The following DOCK1 variants were observed in gnomAD, a reference collection of about 807,000 sequenced individuals.
DOCK1 encodes the protein dedicator of cytokinesis protein 1.
In DOCK1, 138 loss-of-function variants were observed where a neutral mutation model predicts 262.7. The ratio of observed to expected loss-of-function variants is 0.53; its 90% CI spans 0.46 to 0.61. The LOEUF (loss-of-function observed/expected upper bound fraction) is 0.61, where lower values mean the gene tolerates loss of function less well. Among genes scored for constraint, DOCK1 ranks in the 20% least tolerant of loss-of-function variants. The probability of loss-of-function intolerance (pLI) is 0.00; values close to 1 mark genes in which losing one functional copy is unlikely to be tolerated. For synonymous variants in DOCK1, 866 were observed against 867.4 expected (o/e 1.00, Z 0.03); for missense variants, 1,908 against 2,370.7 (o/e 0.80, Z 4.05).
intron 6 of DOCK1, among the ~76,000 whole-genome samples, chr10:126,991,464 AC>A (rs1316077589): frequency 2.7e-5 from 4 of 150,224 alleles, no homozygotes; most frequent in Non-Finnish European, 5.9e-5. Flanking sequence ...CCCAAGACCT[AC>A]CCCTTAAGGC....
intron 43 of DOCK1, among the ~76,000 whole-genome samples, chr10:127,411,419 A>G (rs1485072735): frequency 2.0e-5 from 3 of 152,124 alleles, no homozygotes; most frequent in Non-Finnish European, 4.4e-5. Context: ...CCCCAGCACT[A>G]CTAGCAATAC....
intron 27 of DOCK1, among the ~76,000 whole-genome samples, chr10:127,212,006 A>G (rs915072730): frequency 6.6e-6 from 1 of 152,250 alleles, no homozygotes; most frequent in Non-Finnish European, 1.5e-5. Flanking sequence ...ATTTGAGAAT[A>G]CAATGTGTTT....
rs141503540 is a variant in DOCK1, at chr10:127,029,163, AGTCTCC to A, written c.1625-2484_1625-2479del. 8.0e-3 allele frequency among the ~76,000 whole-genome samples: 1,211 copies of A among 152,320 alleles called. 21 individuals are homozygous for A. Among genetic ancestry groups the A allele is most frequent in the African/African-American group, 0.028 (1,153 of 41,574 alleles). On this transcript the variant is annotated intron_variant, in intron 16 of 51. Coordinates refer to ENST00000623213, the MANE Select transcript of DOCK1 (RefSeq NM_001290223.2). ...CAGGACACATCTGCATAATAAATGA[AGTCTCC>A]GTGGCCACAGCTTGTGGGATTTTGG...
At chr10:127,317,996 AT>A (rs1410344322) in intron 29 of DOCK1, among the ~76,000 whole-genome samples, 3 of 152,192 alleles carry the variant, frequency 2.0e-5, no homozygotes, top group Admixed American at 6.5e-5. Flanking sequence ...GGCATCTTTA[AT>A]GCAGCTGGCA....
chr10:127,334,775 T>C (rs1298646670), intron 29 of DOCK1, among the ~76,000 whole-genome samples: 3 of 152,200 alleles, frequency 2.0e-5, no homozygotes, highest in African/African-American at 7.2e-5. Context: ...GCATTTGTTA[T>C]TGTTTTTTAG....
intron 1 of DOCK1, among the ~76,000 whole-genome samples, chr10:126,913,652 C>T (rs1218541161): frequency 1.3e-5 from 2 of 152,192 alleles, no homozygotes; most frequent in African/African-American, 4.8e-5. Flanking sequence ...TATCCACATG[C>T]CCACATGCAC....
At chr10:127,388,779 A>T (rs1462472612) in intron 38 of DOCK1, among the ~76,000 whole-genome samples, 1 of 152,186 alleles carries the variant, frequency 6.6e-6, no homozygotes, top group Non-Finnish European at 1.5e-5. Context: ...AGATCACATG[A>T]TCACCCCAGA....
chr10:127,195,837 T>A (rs900405051), intron 27 of DOCK1, among the ~76,000 whole-genome samples: 1 of 152,066 alleles, frequency 6.6e-6, no homozygotes, highest in Admixed American at 6.5e-5. Context: ...TGCACCGGGG[T>A]GTCCCGGCCC....
chr10:127,256,699 A>G (rs1216615845), intron 28 of DOCK1, among the ~76,000 whole-genome samples: 1 of 152,060 alleles, frequency 6.6e-6, no homozygotes, highest in East Asian at 1.9e-4. Context: ...TGTGTACGGA[A>G]CCCTGCTTCT....
At chr10:127,266,649 C>T (rs182594872) in intron 29 of DOCK1, among the ~76,000 whole-genome samples, 27 of 152,274 alleles carry the variant, frequency 1.8e-4, no homozygotes, top group Admixed American at 1.2e-3. Context: ...GTGGCATTAA[C>T]GCCAGCCAGG....
chr10:127,224,208 A>C (rs140584967), intron 27 of DOCK1, among the ~76,000 whole-genome samples: 1 of 152,184 alleles, frequency 6.6e-6, no homozygotes, highest in Admixed American at 6.5e-5. Flanking sequence ...TTCTGATTTA[A>C]TTATATCCAG....
intron 29 of DOCK1, among the ~76,000 whole-genome samples, chr10:127,264,128 CGT>C: frequency 6.6e-6 from 1 of 152,272 alleles, no homozygotes; most frequent in Non-Finnish European, 1.5e-5. Context: ...GACTACATAG[CGT>C]GTAACAAAAC....
chr10:126,981,433 CCTGT>C (rs1028091313), intron 3 of DOCK1, among the ~76,000 whole-genome samples: 2 of 152,202 alleles, frequency 1.3e-5, no homozygotes, highest in African/African-American at 4.8e-5. Context: ...CGAAATTCGG[CCTGT>C]CTTTCTGTAT....
Position 126,999,146 on chromosome 10 carries a change from C to T in DOCK1, c.768-208C>T, listed in dbSNP as rs77108936. Among the ~76,000 whole-genome samples, 213 of 151,884 alleles carry T rather than the reference C, an allele frequency of 1.4e-3. 9 individuals carry two copies. In the East Asian group the frequency reaches 0.041, roughly 29 times the overall value. On this transcript the variant is annotated intron_variant, in intron 8 of 51. Transcript: ENST00000623213. ...AAGTAGTTCTATTACAGTGACAACCCAAGACATTGCACATTAAAACTTGGC... is the reference window on the plus strand; with the variant it reads ...AAGTAGTTCTATTACAGTGACAACCTAAGACATTGCACATTAAAACTTGGC...
chr10:127,419,425 C>A (rs976138513), intron 45 of DOCK1, among the ~76,000 whole-genome samples: 1 of 152,196 alleles, frequency 6.6e-6, no homozygotes. Context: ...CTGTGGCCTT[C>A]CTGGACCCCA....
In DOCK1 at chr10:127,024,774, G is replaced by C; in HGVS notation, c.1542G>C (p.Glu514Asp). The C allele has an allele frequency of 6.2e-7, 1 of 1,607,434 alleles. No homozygotes were observed. Among genetic ancestry groups the C allele is most frequent in the East Asian group, 2.2e-5 (1 of 44,770 alleles). ...YYQVKQPRWF[E>D]TVKVAIPIED... ...AAGTAAAGCAGCCACGCTGGTTTGA[G>C]ACTGTTAAGGTATTATTTACATGGT... Residue 514 changes from glutamate (E) to aspartate (D), a missense_variant, in exon 15 of 52, where the codon GAG becomes GAC. Around this residue, in one of 9 missense-constraint regions of DOCK1, gnomAD observed 294 missense variants for 439.9 expected, o/e 0.67. Coordinates refer to ENST00000623213, the MANE Select transcript of DOCK1 (RefSeq NM_001290223.2).
chr10:127,331,175 T>C (rs2062962852), intron 29 of DOCK1, among the ~76,000 whole-genome samples: 1 of 152,196 alleles, frequency 6.6e-6, no homozygotes. Flanking sequence ...TAGGAGAGAA[T>C]TCTGGTTAAA....
chr10:127,443,848 C>T (rs1310129049), intron 49 of DOCK1, among the ~76,000 whole-genome samples: 1 of 152,088 alleles, frequency 6.6e-6, no homozygotes, highest in African/African-American at 2.4e-5. Flanking sequence ...CCTCTGCTCA[C>T]ACCTAGCATG....
chr10:127,169,178 T>A (rs1259232735), intron 27 of DOCK1, among the ~76,000 whole-genome samples: 1 of 152,128 alleles, frequency 6.6e-6, no homozygotes, highest in African/African-American at 2.4e-5. Flanking sequence ...TACATACATA[T>A]TAGGTATATG....
Sources: allele counts gnomAD v4.1 joint callset (sites outside exome capture counted in the v4.1 genomes callset), GRCh38; gene constraint gnomAD v4.1.1; regional missense constraint gnomAD v4.1.1; transcripts MANE v1.5; gene names NCBI Gene and HGNC (gene_info 2026-07-23, HGNC 2026-07-21).